NCAN: variants seen among roughly 807,000 people sequenced by gnomAD.
NCAN encodes neurocan core protein.
In NCAN, 47 loss-of-function variants were observed where a neutral mutation model predicts 121.8. That is an observed-to-expected ratio of 0.39 (90% confidence interval 0.31 to 0.49). The LOEUF (loss-of-function observed/expected upper bound fraction) is 0.49, where lower values mean the gene tolerates loss of function less well. Among genes scored for constraint, NCAN ranks in the 20% least tolerant of loss-of-function variants. NCAN has a pLI of 0.92. For synonymous variants in NCAN, 633 were observed against 702.0 expected, an observed-to-expected ratio of 0.90 and a Z score of 1.55; for missense variants, 1,517 against 1,773.4, an observed-to-expected ratio of 0.86 and a Z score of 2.60.
intron 1 of NCAN, among the ~76,000 whole-genome samples, chr19:19,214,620 G>A (rs1411213204): frequency 6.6e-6 from 1 of 152,088 alleles, no homozygotes; most frequent in African/African-American, 2.4e-5. Context: ...GGTACTTGCT[G>A]GATAATCTCC....
intron 3 of NCAN, among the ~76,000 whole-genome samples, chr19:19,222,149 G>T (rs1464140918): frequency 1.3e-5 from 2 of 152,110 alleles, no homozygotes; most frequent in Non-Finnish European, 2.9e-5. Context: ...GAGTCAACCA[G>T]TCATCCCCTT....
At chr19:19,240,884 C>T (rs766937568) in intron 12 of NCAN, among the ~76,000 whole-genome samples, 199 bp downstream of exon 12, 21 of 152,150 alleles carry the variant, frequency 1.4e-4, no homozygotes, top group Non-Finnish European at 2.5e-4. Context: ...GTAAACAGAC[C>T]GCGCCCACGA....
intron 8 of NCAN, among the ~76,000 whole-genome samples, chr19:19,231,348 A>G (rs563193424): frequency 8.4e-4 from 102 of 121,460 alleles, no homozygotes; most frequent in Non-Finnish European, 1.2e-3. Context: ...TTTTTTTTTG[A>G]GAGAGAGAGT....
intron 8 of NCAN, among the ~76,000 whole-genome samples, chr19:19,229,828 A>G (rs923464998): frequency 1.3e-5 from 2 of 152,186 alleles, no homozygotes; most frequent in Non-Finnish European, 2.9e-5. Flanking sequence ...CTGTCATCCT[A>G]GCCCTTTGGG....
intron 14 of NCAN, 116 bp from the exon 15 acceptor site, chr19:19,249,650 A>AG: frequency 6.9e-7 from 1 of 1,443,378 alleles, no homozygotes; most frequent in Non-Finnish European, 9.3e-7. Flanking sequence ...GACAGGGATG[A>AG]GCCCTCGCGT....
chr19:19,250,453 T>C lies in NCAN; in HGVS notation c.*542T>C. The stretch of plus-strand genomic sequence containing the variant: ...CCTGGACTTCAGCCCAAGTTCCGTC[T>C]TTGGTCTTGGTGGATAAACACACAG... On this transcript the variant is annotated 3_prime_UTR_variant, in exon 15 of 15. Coordinates refer to ENST00000252575, the MANE Select transcript of NCAN (RefSeq NM_004386.3). The C allele has an allele frequency of 3.2e-6, 1 of 315,454 alleles. No individual in the cohort carries two copies. Among genetic ancestry groups the C allele is most frequent in the Non-Finnish European group, 6.2e-6 (1 of 161,532 alleles). The allele number at this position is 315,454 out of a possible 1,614,324, so 19.5% of individuals were successfully genotyped here.
At chr19:19,241,684 A>T (rs1218253689) in intron 12 of NCAN, among the ~76,000 whole-genome samples, 1 of 151,894 alleles carries the variant, frequency 6.6e-6, no homozygotes, top group Non-Finnish European at 1.5e-5. Flanking sequence ...AAAATATAAA[A>T]ATAAAAATAA....
At chr19:19,245,062 C>T (rs1041353306) in intron 12 of NCAN, among the ~76,000 whole-genome samples, 10 of 152,264 alleles carry the variant, frequency 6.6e-5, no homozygotes, top group African/African-American at 2.2e-4. Context: ...GAACTGGGTG[C>T]GGCCGGGCAC....
rs1179824401 is a variant in NCAN, at chr19:19,226,772, C to A, written c.1359C>A (p.Pro453=). 6.2e-7 allele frequency: 1 copy of A among 1,613,428 alleles called. No homozygotes were observed. The highest frequency in any genetic ancestry group is 1.3e-5 in the African/African-American group (1 of 75,074). Residue 453 remains proline, a synonymous_variant, in exon 7 of 15, where the codon CCC becomes CCA. Coordinates refer to ENST00000252575, the MANE Select transcript of NCAN (RefSeq NM_004386.3). ...TGEVWLSTVA[P]SPSDMGAGTA... ...AAGTGTGGCTAAGCACGGTGGCCCC[C>A]AGCCCTAGCGACATGGGGGCAGGCA...
Position 19,252,058 on chromosome 19 carries a change from CGT to C in NCAN, c.*2154_*2155del, listed in dbSNP as rs145997385. 6,684 of 152,672 alleles carry C rather than the reference CGT, an allele frequency of 0.044. 231 individuals are homozygous for C. Among genetic ancestry groups the C allele is most frequent in the East Asian group, 0.14 (740 of 5,170 alleles). 9.5% of individuals were successfully genotyped at this position (152,672 alleles called of 1,614,324 possible). On this transcript the variant is annotated 3_prime_UTR_variant, in exon 15 of 15. Transcript: ENST00000252575. Reference sequence around the variant, plus strand: ...TTTTGATCTTTCCCTTTTGGATGTGCGTGTGTGTCTGCGTGTGCCATGTGCGT... The same window carrying C: ...TTTTGATCTTTCCCTTTTGGATGTGCGTGTGTCTGCGTGTGCCATGTGCGT...
chr19:19,213,681 C>G (rs556400015), intron 1 of NCAN, among the ~76,000 whole-genome samples: 10 of 152,162 alleles, frequency 6.6e-5, no homozygotes, highest in Admixed American at 4.6e-4. Context: ...GCTTGTGTAT[C>G]TGGAGGGGCC....
chr19:19,226,749 G>A lies in NCAN; in HGVS notation c.1336G>A (p.Val446Met), dbSNP rs770369008. The stretch of plus-strand genomic sequence containing the variant: ...GCTGGCCTCATGGCCCACTGGGGAA[G>A]TGTGGCTAAGCACGGTGGCCCCCAG... ...PMLASWPTGE[V>M]WLSTVAPSPS... is the part of the protein sequence containing the mutation. The change falls in exon 7 of 15, where the codon GTG becomes ATG. Residue 446 changes from valine (V) to methionine (M), a missense_variant. Coordinates refer to ENST00000252575, the MANE Select transcript of NCAN (RefSeq NM_004386.3). 2 of 1,613,408 alleles carry A rather than the reference G, an allele frequency of 1.2e-6. No homozygotes were observed. The highest frequency in any genetic ancestry group is 2.2e-5 in the East Asian group (1 of 44,886).
At chr19:19,224,525 A>C in intron 5 of NCAN, 92 bp downstream of exon 5, 3 of 1,496,698 alleles carry the variant, frequency 2.0e-6, no homozygotes, top group South Asian at 1.3e-5. Context: ...TCCTTATGCA[A>C]CTCCCCTGTC....
At chr19:19,240,467 C>T (rs1470093444) in intron 11 of NCAN, 136 bp from the exon 12 acceptor site, 23 of 763,504 alleles carry the variant, frequency 3.0e-5, no homozygotes, top group South Asian at 2.9e-4. Flanking sequence ...TCTTTCCCCC[C>T]ACCCAGCCCA....
At position 19,248,556 on chromosome 19, in the gene NCAN, C is replaced by T. The variant is rs932403189; in HGVS notation, c.3638-144C>T. ...AGGAGAATCGCTTGAACCAGAGAGG[C>T]GGAGGTTGCAGTGAGGCAAGAGCGC... On this transcript the variant is annotated intron_variant, in intron 13 of 14. Coordinates refer to ENST00000252575, the MANE Select transcript of NCAN (RefSeq NM_004386.3). The T allele has an allele frequency of 4.7e-5, 32 of 681,310 alleles. 1 individual carries two copies. In the Admixed American group the frequency reaches 5.2e-4, roughly 11 times the overall value. The allele number at this position is 681,310 out of a possible 1,614,324, so 42.2% of individuals were successfully genotyped here.
intron 8 of NCAN, among the ~76,000 whole-genome samples, chr19:19,232,688 C>T (rs1599816948): frequency 3.3e-5 from 5 of 152,314 alleles, no homozygotes; most frequent in South Asian, 4.1e-4. Flanking sequence ...TCTCTATCCA[C>T]GCTAATTTGA....
At position 19,250,047 on chromosome 19, in the gene NCAN, C is replaced by G. The variant is rs2060941225; in HGVS notation, c.*136C>G. On this transcript the variant is annotated 3_prime_UTR_variant, in exon 15 of 15. Coordinates refer to ENST00000252575, the MANE Select transcript of NCAN (RefSeq NM_004386.3). ...AAACCACATCCCCCACACACATAAT[C>G]CTTTGTACAAAGCTCCTCTTTTCCC... is the stretch of plus-strand genomic sequence containing the variant. 1.1e-6 allele frequency: 1 copy of G among 923,286 alleles called. No homozygotes were observed. The highest frequency in any genetic ancestry group is 1.4e-5 in the South Asian group (1 of 70,904). 57.2% of individuals were successfully genotyped at this position (923,286 alleles called of 1,614,324 possible). A position where few individuals can be genotyped will look rare whatever the true frequency, so the allele number is the denominator to read the frequency against.
At chr19:19,234,107 G>A (rs935010126) in intron 9 of NCAN, among the ~76,000 whole-genome samples, 2 of 152,136 alleles carry the variant, frequency 1.3e-5, no homozygotes, top group East Asian at 3.8e-4. Flanking sequence ...TTTCATCTCT[G>A]GTGTGCTGTC....
chr19:19,227,216 G>T lies in NCAN; in HGVS notation c.1661-65G>T, dbSNP rs1026532318. ...GCCCCAGAAGCCCCCTCTCCCTTGG[G>T]CCTGGAGTCCAACCAAAGGGGCTGC... On this transcript the variant is annotated intron_variant, in intron 7 of 14. Transcript: ENST00000252575. This position sits in a 1 kb window ranked among gnomAD's most constrained non-coding sequence, Gnocchi z 4.2. The T allele has an allele frequency of 2.7e-6, 4 of 1,505,684 alleles. No individual in the cohort carries two copies. The African/African-American group carries it at 5.6e-5, about 21-fold the overall frequency. The allele number at this position is 1,505,684 out of a possible 1,614,324, so 93.3% of individuals were successfully genotyped here. A position where few individuals can be genotyped will look rare whatever the true frequency, so the allele number is the denominator to read the frequency against.
Sources: gnomAD v4.1 joint callset for allele counts (sites outside exome capture counted in the v4.1 genomes callset) on GRCh38, gnomAD v4.1.1 for gene constraint, Gnocchi (gnomAD v3.1) non-coding constraint, MANE v1.5 for transcripts, NCBI Gene and HGNC (gene_info 2026-07-23, HGNC 2026-07-21) for gene names.